Variants in CSF2RA observed in about 807,000 individuals in gnomAD.
The protein encoded by CSF2RA is granulocyte-macrophage colony-stimulating factor receptor subunit alpha.
In CSF2RA, 42 loss-of-function variants were observed where a neutral mutation model predicts 51.6. The ratio of observed to expected loss-of-function variants is 0.81; its 90% CI spans 0.64 to 1.05. The LOEUF (loss-of-function observed/expected upper bound fraction) is 1.05. Ranked by LOEUF, CSF2RA falls within the 50% of genes least tolerant of loss-of-function variation. The pLI, the probability that CSF2RA is intolerant of heterozygous loss-of-function variation, is 0.00. For synonymous variants in CSF2RA, 222 were observed against 193.0 expected (o/e 1.15, Z -1.24); for missense variants, 530 against 501.1 (o/e 1.06, Z -0.55).
intron 3 of CSF2RA, among the ~76,000 whole-genome samples, chrX:1,284,177 T>G (rs2148273658): frequency 6.7e-6 from 1 of 148,210 alleles, no homozygotes; most frequent in African/African-American, 2.5e-5. Context: ...ATTCAAGCGG[T>G]TTTCTTTCTC....
chrX:1,279,712 A>C lies in CSF2RA; in HGVS notation c.-26-2966A>C, dbSNP rs1468703135. Among the ~76,000 whole-genome samples, 3 of 152,164 alleles carry C rather than the reference A, an allele frequency of 2.0e-5. No homozygotes were observed. In the East Asian group the frequency reaches 5.8e-4, roughly 29 times the overall value. ...AGAAGAAGAAACAGGTGTGGCCTAC[A>C]TGCTTTTACTTCCTCTTAGCAAGCG... On this transcript the variant is annotated intron_variant, in intron 2 of 12. Transcript: ENST00000381529.
At chrX:1,317,239 C>CTG in the CSF2RA span, among the ~76,000 whole-genome samples, 1 of 137,446 alleles carries the variant, frequency 7.3e-6, no homozygotes, top group African/African-American at 2.8e-5. Flanking sequence ...TGAGCCACCA[C>CTG]GCTCAGCTTT....
chrX:1,315,560 C>T, the CSF2RA span, among the ~76,000 whole-genome samples: 1 of 151,588 alleles, frequency 6.6e-6, no homozygotes, highest in Non-Finnish European at 1.5e-5. Context: ...TGCACCACCA[C>T]CCCCAGCCAA....
At chrX:1,302,194 G>C (rs1318760274) in intron 10 of CSF2RA, among the ~76,000 whole-genome samples, 1 of 152,050 alleles carries the variant, frequency 6.6e-6, no homozygotes, top group Admixed American at 6.6e-5. Flanking sequence ...GCAATGACAG[G>C]CGTGAGCCAC....
chrX:1,323,158 T>TTAAA, the CSF2RA span, among the ~76,000 whole-genome samples: 17 of 134,022 alleles, frequency 1.3e-4, no homozygotes, highest in South Asian at 2.2e-3. Context: ...ACATTACAAT[T>TTAAA]ATAAAATAAA....
chrX:1,321,912 C>T, the CSF2RA span, among the ~76,000 whole-genome samples: 8 of 151,798 alleles, frequency 5.3e-5, no homozygotes, highest in East Asian at 3.9e-4. Context: ...GTGGGTGGAT[C>T]GCATCATGAG....
At position 1,274,828 on chromosome X, in the gene CSF2RA, T is replaced by A; in HGVS notation, c.-27+10T>A. 2.2e-6 allele frequency: 1 copy of A among 453,562 alleles called. No homozygotes were observed. The highest frequency in any genetic ancestry group is 4.4e-6 in the Non-Finnish European group (1 of 226,684). The allele number at this position is 453,562 out of a possible 1,614,324, so 28.1% of individuals were successfully genotyped here. A position where few individuals can be genotyped will look rare whatever the true frequency, so the allele number is the denominator to read the frequency against. Reference sequence around the variant, plus strand: ...GTTTGCGTAGAACCCTGTACGTGCTTCCTTCGGCCTGTCGGTAATGTGGTT... The same window carrying A: ...GTTTGCGTAGAACCCTGTACGTGCTACCTTCGGCCTGTCGGTAATGTGGTT... On this transcript the variant is annotated intron_variant, in intron 2 of 12. Coordinates refer to ENST00000381529, the MANE Select transcript of CSF2RA (RefSeq NM_172245.4).
chrX:1,289,265 C>T (rs1450855822), intron 6 of CSF2RA, among the ~76,000 whole-genome samples: 2 of 152,118 alleles, frequency 1.3e-5, no homozygotes, highest in African/African-American at 2.4e-5. Flanking sequence ...GTAGCTGGGA[C>T]TACAGGTGCA....
chrX:1,300,625 T>A lies in CSF2RA; in HGVS notation c.945T>A (p.Phe315Leu). Residue 315 changes from phenylalanine to leucine, a missense_variant and splice_region_variant, in exon 10 of 13, where the codon TTT becomes TTA. Physicochemically the swap from Phe to Leu is conservative, Grantham distance 22. Transcript: ENST00000381529. ...NWSSWSEAIE[F>L]GSDDGNLGSV... The stretch of plus-strand genomic sequence containing the variant: ...GCTCCTGGAGTGAAGCCATTGAATT[T>A]GGTAAGCGTTGGGCGGAGGTAAGGG... 1 of 1,613,834 alleles carries A rather than the reference T, an allele frequency of 6.2e-7. No homozygotes were observed. Among genetic ancestry groups the A allele is most frequent in the South Asian group, 1.1e-5 (1 of 91,070 alleles).
chrX:1,273,316 A>G (rs1250701336), intron 1 of CSF2RA, among the ~76,000 whole-genome samples: 7 of 149,172 alleles, frequency 4.7e-5, no homozygotes, highest in African/African-American at 1.7e-4. Context: ...TCTTAGTTGT[A>G]TTTTTTTTTT....
downstream of CSF2RA, among the ~76,000 whole-genome samples, chrX:1,312,522 G>A (rs1292936916): frequency 1.3e-5 from 2 of 152,006 alleles, no homozygotes; most frequent in Non-Finnish European, 2.9e-5. Context: ...GGATTAGGAC[G>A]TGGACATCTT....
the CSF2RA span, among the ~76,000 whole-genome samples, chrX:1,317,268 T>TTTTTTTTA: frequency 2.2e-5 from 3 of 134,532 alleles, no homozygotes; most frequent in African/African-American, 8.6e-5. Context: ...TTTTTTTTTT[T>TTTTTTTTA]GAGACAGAGT....
At chrX:1,286,855 G>A (rs1251364329) in intron 4 of CSF2RA, among the ~76,000 whole-genome samples, 5 of 152,092 alleles carry the variant, frequency 3.3e-5, no homozygotes, top group Admixed American at 6.6e-5. Flanking sequence ...TGTCAGTCAC[G>A]TTGTCAGTGT....
intron 1 of CSF2RA, among the ~76,000 whole-genome samples, chrX:1,273,788 T>C (rs1314282648): frequency 2.9e-4 from 42 of 143,096 alleles, no homozygotes; most frequent in African/African-American, 3.4e-4. Flanking sequence ...TTAGTAGAGA[T>C]GGGGTTTCAC....
chrX:1,314,047 A>G (rs1250358234), downstream of CSF2RA, among the ~76,000 whole-genome samples: 8 of 152,146 alleles, frequency 5.3e-5, no homozygotes, highest in Non-Finnish European at 7.4e-5. Context: ...ATAAAAAATA[A>G]AAAACAGCCA....
At chrX:1,301,052 C>T (rs1302176836) in intron 10 of CSF2RA, among the ~76,000 whole-genome samples, 2 of 151,644 alleles carry the variant, frequency 1.3e-5, no homozygotes, top group Non-Finnish European at 2.9e-5. Flanking sequence ...ACTCGGGAGG[C>T]TGAGGCAGGA....
At chrX:1,321,758 T>C in the CSF2RA span, among the ~76,000 whole-genome samples, 19 of 152,172 alleles carry the variant, frequency 1.2e-4, no homozygotes. Flanking sequence ...TTCTTCAGCG[T>C]AGCTGAGAAC....
downstream of CSF2RA, among the ~76,000 whole-genome samples, chrX:1,313,680 C>A (rs756434293): frequency 2.6e-4 from 39 of 151,984 alleles, no homozygotes; most frequent in African/African-American, 9.2e-4. Context: ...CCATTGCACT[C>A]CAATCTGGGT....
At chrX:1,306,117 T>G (rs2083542701) in intron 12 of CSF2RA, among the ~76,000 whole-genome samples, 1 of 149,210 alleles carries the variant, frequency 6.7e-6, no homozygotes, top group Non-Finnish European at 1.5e-5. Flanking sequence ...GAGGCAGAAA[T>G]AGAGACAAGA....
Sources: gnomAD v4.1 joint callset for allele counts (sites outside exome capture counted in the v4.1 genomes callset) on GRCh38, gnomAD v4.1.1 for gene constraint, MANE v1.5 for transcripts, NCBI Gene and HGNC (gene_info 2026-07-23, HGNC 2026-07-21) for gene names.